The following TNIK variants were observed in gnomAD, a reference collection of about 807,000 sequenced individuals.
TNIK encodes the protein TRAF2 and NCK-interacting protein kinase.
A neutral mutation model predicts 191.3 loss-of-function variants in TNIK; 49 were observed. That is an observed-to-expected ratio of 0.26 (90% CI 0.20 to 0.32). TNIK has a LOEUF of 0.32. Ranked by LOEUF, TNIK falls within the 10% of genes least tolerant of loss-of-function variation. The pLI is 1.00. For missense variants in TNIK, 1,155 were observed against 1,702.3 expected (o/e 0.68, Z 5.66); for synonymous variants, 594 against 600.9 (o/e 0.99, Z 0.17).
At chr3:171,395,184 A>G (rs1182234097) in intron 1 of TNIK, among the ~76,000 whole-genome samples, 1 of 152,200 alleles carries the variant, frequency 6.6e-6, no homozygotes, top group Non-Finnish European at 1.5e-5. Context: ...GTAAAAGCTA[A>G]TATGGCATAA....
At chr3:171,066,448 T>A in intron 31 of TNIK, 122 bp from the exon 32 acceptor site, 1 of 1,553,706 alleles carries the variant, frequency 6.4e-7, no homozygotes, top group Non-Finnish European at 8.7e-7. Flanking sequence ...AAAGCAAGTC[T>A]TACAAGAGTT....
At position 171,128,670 on chromosome 3, in the gene TNIK, G is replaced by C. The variant is rs760251428; in HGVS notation, c.1773+44C>G. ...TAGGCTTTTAATAATAGGTTTTCTT[G>C]TGCAACTTATTGGAATGCCTGATGG... On this transcript the variant is annotated intron_variant, in intron 16 of 32. Transcript: ENST00000436636. 5.0e-5 allele frequency: 78 copies of C among 1,566,408 alleles called. No individual in the cohort carries two copies. In the South Asian group the frequency reaches 8.6e-4, roughly 17 times the overall value.
At chr3:171,394,777 G>C (rs1720011382) in intron 1 of TNIK, among the ~76,000 whole-genome samples, 1 of 152,108 alleles carries the variant, frequency 6.6e-6, no homozygotes, top group Non-Finnish European at 1.5e-5. Context: ...TGTTATTTGT[G>C]CTCCACTGAA....
At chr3:171,120,728 G>T (rs1180699990) in intron 18 of TNIK, among the ~76,000 whole-genome samples, 1 of 152,116 alleles carries the variant, frequency 6.6e-6, no homozygotes, top group Non-Finnish European at 1.5e-5. Context: ...GGTGACTTGG[G>T]GGTCCAGGTT....
intron 1 of TNIK, among the ~76,000 whole-genome samples, chr3:171,384,439 G>A (rs1050581275): frequency 3.3e-5 from 5 of 152,220 alleles, no homozygotes; most frequent in South Asian, 2.1e-4. Flanking sequence ...AGAAATCTGG[G>A]CCCTGCCCAG....
Position 171,211,387 on chromosome 3 carries a change from A to G in TNIK, c.181-146T>C, listed in dbSNP as rs184084641. On this transcript the variant is annotated intron_variant, in intron 3 of 32. Coordinates refer to ENST00000436636, the MANE Select transcript of TNIK (RefSeq NM_015028.4). ...TTATTACATATGAGGGCAAAGAACA[A>G]TTCTAAAACATAATACATTGGCTGT... 6.2e-3 allele frequency: 5,825 copies of G among 932,580 alleles called. 36 individuals are homozygous for G. The highest frequency in any genetic ancestry group is 0.018 in the South Asian group (964 of 54,618). 57.8% of individuals were successfully genotyped at this position (932,580 alleles called of 1,614,324 possible).
At chr3:171,109,287 G>A (rs578092287) in intron 19 of TNIK, among the ~76,000 whole-genome samples, 7 of 152,250 alleles carry the variant, frequency 4.6e-5, no homozygotes, top group Middle Eastern at 3.4e-3. Context: ...TCGGCCTTCC[G>A]GGTACCTAGG....
At chr3:171,225,441 A>G (rs755329298) in intron 3 of TNIK, 18 of 365,706 alleles carry the variant, frequency 4.9e-5, no homozygotes, top group South Asian at 3.0e-4. Context: ...GCCCTCCTCA[A>G]TAGGAGTTCC....
At chr3:171,386,038 C>T (rs1718682901) in intron 1 of TNIK, among the ~76,000 whole-genome samples, 1 of 152,196 alleles carries the variant, frequency 6.6e-6, no homozygotes, top group African/African-American at 2.4e-5. Flanking sequence ...CTCAGCTATG[C>T]TCCTGCTCCT....
intron 1 of TNIK, among the ~76,000 whole-genome samples, chr3:171,412,962 G>A (rs1722596422): frequency 6.6e-6 from 1 of 152,162 alleles, no homozygotes; most frequent in Non-Finnish European, 1.5e-5. Context: ...TCAGGAACAT[G>A]CACACCTCAT....
At chr3:171,430,789 A>G (rs1194027551) in intron 1 of TNIK, among the ~76,000 whole-genome samples, 1 of 152,098 alleles carries the variant, frequency 6.6e-6, no homozygotes, top group Non-Finnish European at 1.5e-5. Context: ...GCTTAATCTT[A>G]TTAATTGGAT....
intron 2 of TNIK, among the ~76,000 whole-genome samples, chr3:171,280,663 A>C (rs1480035402): frequency 2.0e-5 from 3 of 152,098 alleles, no homozygotes; most frequent in Admixed American, 1.3e-4. Flanking sequence ...AAAAAAAAAA[A>C]AACTGTATCC....
At chr3:171,390,840 C>T (rs1374566290) in intron 1 of TNIK, among the ~76,000 whole-genome samples, 3 of 152,116 alleles carry the variant, frequency 2.0e-5, no homozygotes, top group Non-Finnish European at 4.4e-5. Flanking sequence ...TAACCTGTGC[C>T]CATGGATGTT....
At chr3:171,185,788 CAATA>C (rs1737289189) in intron 7 of TNIK, among the ~76,000 whole-genome samples, 1 of 152,206 alleles carries the variant, frequency 6.6e-6, no homozygotes, top group Non-Finnish European at 1.5e-5. Flanking sequence ...AATTGATAAA[CAATA>C]AATCAAATAA....
intron 2 of TNIK, among the ~76,000 whole-genome samples, chr3:171,291,518 G>A (rs959549900): frequency 1.3e-5 from 2 of 151,984 alleles, no homozygotes; most frequent in African/African-American, 2.4e-5. Flanking sequence ...TTTCTTGTTC[G>A]ACAGGATTGC....
intron 3 of TNIK, among the ~76,000 whole-genome samples, chr3:171,212,861 A>G (rs914743769): frequency 2.0e-5 from 3 of 151,856 alleles, no homozygotes; most frequent in African/African-American, 7.3e-5. Flanking sequence ...GACCATGCTT[A>G]TTTACTAAAA....
At chr3:171,441,661 G>A (rs1726819205) in intron 1 of TNIK, among the ~76,000 whole-genome samples, 1 of 152,156 alleles carries the variant, frequency 6.6e-6, no homozygotes, top group South Asian at 2.1e-4. Flanking sequence ...CATTTCTCTT[G>A]GGTACATACG....
intron 1 of TNIK, among the ~76,000 whole-genome samples, chr3:171,441,712 T>C (rs1263491406): frequency 6.6e-6 from 1 of 152,158 alleles, no homozygotes; most frequent in Non-Finnish European, 1.5e-5. Context: ...GTTTAACTTT[T>C]TCAGAAATAG....
chr3:171,337,271 G>C (rs940135339), intron 2 of TNIK, among the ~76,000 whole-genome samples: 8 of 152,194 alleles, frequency 5.3e-5, no homozygotes, highest in Non-Finnish European at 1.2e-4. Context: ...TAGCTGGAAG[G>C]AGAGAAGGTA....
Sources: allele counts gnomAD v4.1 joint callset (sites outside exome capture counted in the v4.1 genomes callset), GRCh38; gene constraint gnomAD v4.1.1; transcripts MANE v1.5; gene names NCBI Gene and HGNC (gene_info 2026-07-23, HGNC 2026-07-21).